SLC4A5: variants seen among roughly 807,000 people sequenced by gnomAD.
SLC4A5 encodes electrogenic sodium bicarbonate cotransporter 4.
A neutral mutation model predicts 120.4 loss-of-function variants in SLC4A5; 96 were observed. That is an observed-to-expected ratio of 0.80 (90% confidence interval 0.68 to 0.94). The LOEUF is 0.94. Among genes scored for constraint, SLC4A5 ranks in the 40% least tolerant of loss-of-function variants. The pLI is 0.00. For missense variants in SLC4A5, 1,259 were observed against 1,459.5 expected, an observed-to-expected ratio of 0.86 and a Z score of 2.24; for synonymous variants, 550 against 571.1, an observed-to-expected ratio of 0.96 and a Z score of 0.53.
intron 6 of SLC4A5, among the ~76,000 whole-genome samples, chr2:74,309,656 A>ATTT (rs201372695): frequency 1.4e-5 from 2 of 141,664 alleles, no homozygotes; most frequent in Non-Finnish European, 3.1e-5. Flanking sequence ...TGAACATGAA[A>ATTT]TTTTTTTTTT....
intron 4 of SLC4A5, among the ~76,000 whole-genome samples, chr2:74,330,915 G>GA (rs2104340773): frequency 1.9e-5 from 2 of 105,208 alleles, no homozygotes; most frequent in Non-Finnish European, 4.2e-5. Context: ...AGATGGAGGT[G>GA]TGTGGTTTAG....
In SLC4A5 at chr2:74,327,368, T is replaced by TG. The variant is rs551214164; in HGVS notation, c.-3+751dup. ...AAAAGGACTTCCCCAAGGGCTTATC[T>TG]GGGATTATTTTGTGAACTGAATCGA... is the stretch of plus-strand genomic sequence containing the variant. On this transcript the variant is annotated intron_variant, in intron 5 of 30. Coordinates refer to ENST00000394019, the Ensembl canonical transcript of SLC4A5. Among the ~76,000 whole-genome samples, 265 of 152,290 alleles carry TG rather than the reference T, an allele frequency of 1.7e-3. 1 individual carries two copies. The highest frequency in any genetic ancestry group is 6.0e-3 in the African/African-American group (251 of 41,544).
chr2:74,342,212 A>C (rs1673644205), intron 2 of SLC4A5, among the ~76,000 whole-genome samples: 1 of 152,214 alleles, frequency 6.6e-6, no homozygotes, highest in Admixed American at 6.5e-5. Context: ...GTTTCTTGTG[A>C]CATCCTTTGT....
At chr2:74,284,301 C>T (rs1437869016) in intron 8 of SLC4A5, among the ~76,000 whole-genome samples, 2 of 117,280 alleles carry the variant, frequency 1.7e-5, no homozygotes, top group Non-Finnish European at 1.6e-5. Flanking sequence ...CTCAGCCTCC[C>T]GAGTAGCTGG....
At chr2:74,312,243 A>G (rs3962025) in intron 6 of SLC4A5, among the ~76,000 whole-genome samples, 15,298 of 139,394 alleles carry the variant, frequency 0.11, 1,174 homozygotes, top group East Asian at 0.47. Context: ...GTGTGTGTAT[A>G]TGTGTGTGTG....
chr2:74,288,501 A>C (rs1672056629), intron 7 of SLC4A5, among the ~76,000 whole-genome samples: 1 of 152,154 alleles, frequency 6.6e-6, no homozygotes, highest in South Asian at 2.1e-4. Context: ...AATGTGACTT[A>C]TGGCTCTTAT....
At chr2:74,250,634 G>A in intron 16 of SLC4A5, 117 bp from the exon 17 acceptor site, 2 of 1,231,104 alleles carry the variant, frequency 1.6e-6, no homozygotes, top group Non-Finnish European at 2.3e-6. Flanking sequence ...CAGGGTGGAT[G>A]GGGCAAAGAT....
chr2:74,265,025 A>G, intron 9 of SLC4A5, 79 bp downstream of exon 9: 1 of 1,485,774 alleles, frequency 6.7e-7, no homozygotes, highest in Non-Finnish European at 9.1e-7. Context: ...CACAGACTTG[A>G]GGGCAGGCAT....
At chr2:74,274,171 C>T in intron 8 of SLC4A5, among the ~76,000 whole-genome samples, 1 of 152,052 alleles carries the variant, frequency 6.6e-6, no homozygotes, top group East Asian at 1.9e-4. Flanking sequence ...AGACTGAGAC[C>T]CTTAGAGGAT....
At chr2:74,341,936 C>T (rs1673638469) in intron 2 of SLC4A5, among the ~76,000 whole-genome samples, 1 of 152,178 alleles carries the variant, frequency 6.6e-6, no homozygotes, top group Admixed American at 6.5e-5. Context: ...ACCTATTAAA[C>T]CTCAAACCAA....
intron 14 of SLC4A5, among the ~76,000 whole-genome samples, chr2:74,254,127 C>T (rs1380256151): frequency 6.6e-6 from 1 of 152,200 alleles, no homozygotes; most frequent in African/African-American, 2.4e-5. Flanking sequence ...CTAGGCTCCC[C>T]ATCACTCTGG....
At chr2:74,242,074 G>A (rs368775574) in intron 19 of SLC4A5, 22 bp from the exon 20 acceptor site, 37 of 1,598,014 alleles carry the variant, frequency 2.3e-5, no homozygotes, top group South Asian at 5.5e-5. Flanking sequence ...CACATGACAC[G>A]GGGCAGGGTC....
intron 25 of SLC4A5, among the ~76,000 whole-genome samples, chr2:74,229,259 T>TTGG (rs558347757): frequency 2.1e-5 from 3 of 145,470 alleles, no homozygotes; most frequent in Non-Finnish European, 4.5e-5. Flanking sequence ...TTTTTTTTTT[T>TTGG]GGGGGGGGCA....
chr2:74,224,912 TG>T lies in SLC4A5; in HGVS notation c.3173del (p.Pro1058GlnfsTer34). The T allele has an allele frequency of 6.2e-7, 1 of 1,614,154 alleles. No individual in the cohort carries two copies. Among genetic ancestry groups the T allele is most frequent in the Non-Finnish European group, 8.5e-7 (1 of 1,180,024 alleles). ...TGTCTGTCTCCTTTTTTTCCTTCTC[TG>T]GGAGGATGTTGTCAATCCAGGCCAG... is the stretch of plus-strand genomic sequence containing the variant. On this transcript the variant is annotated frameshift_variant, in exon 28 of 31. Coordinates refer to ENST00000394019, the Ensembl canonical transcript of SLC4A5. LOFTEE classifies it high-confidence loss of function.
intron 24 of SLC4A5, 128 bp downstream of exon 24, chr2:74,232,341 T>C: frequency 4.6e-6 from 5 of 1,088,516 alleles, no homozygotes; most frequent in Non-Finnish European, 6.7e-6. Context: ...CTCCTGTCCC[T>C]GTGGTTCTTG....
At chr2:74,286,533 T>C (rs944779916) in intron 7 of SLC4A5, among the ~76,000 whole-genome samples, 1 of 152,194 alleles carries the variant, frequency 6.6e-6, no homozygotes, top group African/African-American at 2.4e-5. Flanking sequence ...TTTTCCTTCC[T>C]TCCTTACTTT....
intron 7 of SLC4A5, among the ~76,000 whole-genome samples, chr2:74,289,180 G>A (rs1423523561): frequency 1.3e-5 from 2 of 152,142 alleles, no homozygotes; most frequent in African/African-American, 4.8e-5. Context: ...GGGCTCCTGG[G>A]AGTCATGGTT....
Position 74,239,308 on chromosome 2 carries a change from C to T in SLC4A5, c.2319+27G>A, listed in dbSNP as rs751110635. 3.1e-6 allele frequency: 5 copies of T among 1,607,646 alleles called. No homozygotes were observed. The South Asian group carries it at 5.5e-5, about 18-fold the overall frequency. ...ACTCAGCAGCTGTCTGACTGCAGGT[C>T]CCCTCCTAACTGCAGGGTGAGCTTA... On this transcript the variant is annotated intron_variant, in intron 21 of 30. Transcript: ENST00000394019.
chr2:74,249,504 G>T (rs1670724442), intron 17 of SLC4A5, among the ~76,000 whole-genome samples: 1 of 152,216 alleles, frequency 6.6e-6, no homozygotes, highest in African/African-American at 2.4e-5. Context: ...GGAATGCTGA[G>T]AAAGAGAATG....
Sources: allele counts gnomAD v4.1 joint callset (sites outside exome capture counted in the v4.1 genomes callset), GRCh38; gene constraint gnomAD v4.1.1; transcripts MANE v1.5; gene names NCBI Gene and HGNC (gene_info 2026-07-23, HGNC 2026-07-21).